Variants in PUDP observed in about 807,000 individuals in gnomAD.
PUDP encodes the protein pseudouridine 5'-phosphatase.
In PUDP, 8 loss-of-function variants were observed where a neutral mutation model predicts 9.4. The observed-to-expected ratio is 0.85, with a 90% CI of 0.50 to 1.53. The LOEUF (loss-of-function observed/expected upper bound fraction) is 1.53. PUDP is among the 40% of genes most tolerant of loss of function. The probability of loss-of-function intolerance (pLI) is 0.00; values close to 1 mark genes in which losing one functional copy is unlikely to be tolerated. For synonymous variants in PUDP, 99 were observed against 80.7 expected (o/e 1.23, Z -1.22); for missense variants, 188 against 189.7 (o/e 0.99, Z 0.05).
rs754262429 is a variant in PUDP at position 6,783,322 on chromosome X, G to A, written c.*248-76856C>T. ...TGTATAAACAAGTTTTGTACCTACC[G>A]GTGGATGCGTTCCTCCTCTAGCTTT... On this transcript the variant is annotated intron_variant and NMD_transcript_variant, in intron 3 of 3. Coordinates refer to the PUDP transcript ENST00000655425. 6.3e-5 allele frequency among the ~76,000 whole-genome samples: 7 copies of A among 111,202 alleles called. No homozygotes were observed. The East Asian group carries it at 1.4e-3, about 23-fold the overall frequency.
At chrX:6,957,879 G>A (rs1438315077) in intron 3 of PUDP, among the ~76,000 whole-genome samples, 1 of 112,028 alleles carries the variant, frequency 8.9e-6, no homozygotes, top group African/African-American at 3.2e-5. Flanking sequence ...GGCTGGGCGT[G>A]GTGGCTCATG....
chrX:6,963,771 T>C (rs1472245852), intron 3 of PUDP, among the ~76,000 whole-genome samples: 1 of 111,906 alleles, frequency 8.9e-6, no homozygotes, highest in Non-Finnish European at 1.9e-5. Flanking sequence ...CAGAAGTGAT[T>C]TTCCACCATG....
At chrX:6,868,064 T>C (rs190365916) in intron 3 of PUDP, among the ~76,000 whole-genome samples, 47 of 111,797 alleles carry the variant, frequency 4.2e-4, no homozygotes, top group African/African-American at 1.4e-3. Context: ...TTCCAACACA[T>C]GACCTTTGGG....
chrX:7,118,447 C>T (rs1932254846), intron 1 of PUDP, among the ~76,000 whole-genome samples: 1 of 112,115 alleles, frequency 8.9e-6, no homozygotes, highest in African/African-American at 3.2e-5. Flanking sequence ...TAGGAGAAAA[C>T]CCAAACCTAC....
intron 3 of PUDP, among the ~76,000 whole-genome samples, chrX:6,782,291 C>T (rs1925576200): frequency 2.7e-5 from 3 of 111,407 alleles, no homozygotes; most frequent in South Asian, 7.5e-4. Flanking sequence ...ATCTAATTGC[C>T]GGGCACAGTG....
chrX:7,093,931 C>A, intron 2 of PUDP, among the ~76,000 whole-genome samples: 1 of 110,577 alleles, frequency 9.0e-6, no homozygotes, highest in African/African-American at 3.3e-5. Context: ...TATAGTAGGG[C>A]CCTGTCTCTA....
chrX:6,853,448 T>C (rs1011004225), intron 3 of PUDP, among the ~76,000 whole-genome samples: 2 of 57,057 alleles, frequency 3.5e-5, no homozygotes, highest in African/African-American at 1.1e-4. Flanking sequence ...CCCCCTTTTG[T>C]GTGTGTTTTT....
chrX:6,801,536 T>A (rs1337189048), intron 3 of PUDP, among the ~76,000 whole-genome samples: 2 of 111,480 alleles, frequency 1.8e-5, no homozygotes, highest in African/African-American at 3.3e-5. Context: ...TGCTTTTATT[T>A]TCAAAACACA....
At chrX:6,782,610 G>T (rs1376532011) in intron 3 of PUDP, among the ~76,000 whole-genome samples, 5 of 110,956 alleles carry the variant, frequency 4.5e-5, no homozygotes, top group Non-Finnish European at 3.8e-5. Context: ...CCACATCTAC[G>T]ATTTCTGACA....
intron 1 of PUDP, among the ~76,000 whole-genome samples, chrX:7,116,419 C>T (rs1010435832): frequency 9.0e-6 from 1 of 111,662 alleles, no homozygotes; most frequent in Admixed American, 9.5e-5. Context: ...TGCCCTCCTA[C>T]CCTGGCCTGC....
chrX:6,809,414 T>C (rs1926105539), intron 3 of PUDP, among the ~76,000 whole-genome samples: 1 of 109,193 alleles, frequency 9.2e-6, no homozygotes, highest in Non-Finnish European at 1.9e-5. Context: ...CATAGGAGTT[T>C]GCTCCCCAGT....
At chrX:7,134,746 TTTATG>T (rs1932700786) in intron 1 of PUDP, among the ~76,000 whole-genome samples, 1 of 112,096 alleles carries the variant, frequency 8.9e-6, no homozygotes, top group Non-Finnish European at 1.9e-5. Context: ...AAGGAAATGC[TTTATG>T]TTAAGATAAA....
chrX:7,042,078 G>T (rs1184891538), intron 1 of PUDP, among the ~76,000 whole-genome samples: 2 of 107,992 alleles, frequency 1.9e-5, no homozygotes, highest in South Asian at 4.2e-4. Flanking sequence ...TCTCTGGTTT[G>T]TCGGGGCCAC....
At chrX:6,839,860 T>C (rs1926639617) in intron 3 of PUDP, among the ~76,000 whole-genome samples, 1 of 105,775 alleles carries the variant, frequency 9.5e-6, no homozygotes, top group African/African-American at 3.5e-5. Context: ...AATTGCACTC[T>C]TTGGTATTTA....
chrX:6,947,157 C>T (rs139579265), intron 3 of PUDP, among the ~76,000 whole-genome samples: 1,816 of 109,670 alleles, frequency 0.017, 23 homozygotes, highest in Non-Finnish European at 0.022. Context: ...CGCACCACCA[C>T]GCCCTGCTGA....
intron 3 of PUDP, among the ~76,000 whole-genome samples, chrX:6,952,345 CT>C (rs202111353): frequency 0.027 from 3,052 of 111,901 alleles, 114 homozygotes; most frequent in African/African-American, 0.093. Flanking sequence ...TTAGCTTCCC[CT>C]AATGTTAACA....
At chrX:6,949,641 A>T (rs1928519887) in intron 3 of PUDP, among the ~76,000 whole-genome samples, 1 of 112,539 alleles carries the variant, frequency 8.9e-6, no homozygotes, top group African/African-American at 3.2e-5. Context: ...ATTGCTTTTC[A>T]TTACCCTTAT....
intron 1 of PUDP, among the ~76,000 whole-genome samples, chrX:6,981,691 C>T (rs1232341712): frequency 3.6e-5 from 4 of 111,010 alleles, no homozygotes; most frequent in African/African-American, 1.3e-4. Flanking sequence ...CTTCTTGGGC[C>T]ATTTTAGAAA....
At chrX:7,019,339 C>T (rs1437413954) in intron 1 of PUDP, among the ~76,000 whole-genome samples, 22 of 111,970 alleles carry the variant, frequency 2.0e-4, no homozygotes, top group Non-Finnish European at 3.9e-4. Context: ...GAAAATAAAA[C>T]TCTTTTACTT....
Sources: gnomAD v4.1 joint callset for allele counts (sites outside exome capture counted in the v4.1 genomes callset) on GRCh38, gnomAD v4.1.1 for gene constraint, MANE v1.5 for transcripts, NCBI Gene and HGNC (gene_info 2026-07-23, HGNC 2026-07-21) for gene names.